Variants in ASPH observed in about 807,000 individuals in gnomAD.
The protein encoded by ASPH is aspartate beta-hydroxylase.
In ASPH, 100 loss-of-function variants were observed where a neutral mutation model predicts 118.4. The observed-to-expected ratio is 0.84, with a 90% CI of 0.72 to 1.00. ASPH has a LOEUF of 1.00. Ranked by LOEUF, ASPH falls within the 50% of genes least tolerant of loss-of-function variation. The pLI is 0.00. For synonymous variants in ASPH, 315 were observed against 325.6 expected (o/e 0.97, Z 0.35); for missense variants, 920 against 919.5 (o/e 1.00, Z -0.01).
At chr8:61,640,043 C>T (rs1804377357) in intron 10 of ASPH, among the ~76,000 whole-genome samples, 1 of 152,224 alleles carries the variant, frequency 6.6e-6, no homozygotes, top group South Asian at 2.1e-4. Context: ...TCATATCTGT[C>T]CTATCCGTCC....
At chr8:61,526,578 T>G (rs552235623) in intron 21 of ASPH, among the ~76,000 whole-genome samples, 1 of 152,306 alleles carries the variant, frequency 6.6e-6, no homozygotes, top group African/African-American at 2.4e-5. Context: ...AGTTAAACAT[T>G]CAACATATCA....
At chr8:61,706,473 G>GAAGAAGAAAGAAGA (rs1191333253) in intron 1 of ASPH, among the ~76,000 whole-genome samples, 1 of 142,002 alleles carries the variant, frequency 7.0e-6, no homozygotes, top group Non-Finnish European at 1.5e-5. Flanking sequence ...AGAGGAAGAA[G>GAAGAAGAAAGAAGA]AAGAAGAAAG....
At chr8:61,543,930 T>C (rs966919678) in intron 21 of ASPH, among the ~76,000 whole-genome samples, 2 of 152,210 alleles carry the variant, frequency 1.3e-5, no homozygotes, top group Admixed American at 1.3e-4. Flanking sequence ...TTGTTTTGAC[T>C]AATAGCCTGG....
chr8:61,660,485 C>T (rs1185550133), intron 3 of ASPH: 2 of 152,196 alleles, frequency 1.3e-5, no homozygotes, highest in East Asian at 3.8e-4. Flanking sequence ...TTTCTTATCT[C>T]CCACCCCATA....
intron 13 of ASPH, chr8:61,623,808 C>T (rs1466432018): frequency 2.6e-5 from 4 of 152,080 alleles, no homozygotes; most frequent in African/African-American, 9.7e-5. Flanking sequence ...AAATGTGGTA[C>T]ATATATAATG....
At chr8:61,682,266 A>G (rs1828457719) in intron 2 of ASPH, among the ~76,000 whole-genome samples, 1 of 152,110 alleles carries the variant, frequency 6.6e-6, no homozygotes, top group South Asian at 2.1e-4. Context: ...TGCAGAGTAC[A>G]GAATTCAAGA....
intron 22 of ASPH, among the ~76,000 whole-genome samples, chr8:61,524,937 T>C (rs1279312188): frequency 6.6e-6 from 1 of 152,144 alleles, no homozygotes; most frequent in African/African-American, 2.4e-5. Context: ...ATGTCAGAGG[T>C]AAATTAGCAT....
At chr8:61,621,992 A>T (rs1851108439) in intron 13 of ASPH, among the ~76,000 whole-genome samples, 1 of 152,212 alleles carries the variant, frequency 6.6e-6, no homozygotes, top group South Asian at 2.1e-4. Flanking sequence ...TGGGATATTG[A>T]TCTTTAAATA....
intron 22 of ASPH, among the ~76,000 whole-genome samples, chr8:61,519,888 T>C (rs1812331351): frequency 1.3e-5 from 2 of 152,198 alleles, no homozygotes; most frequent in African/African-American, 2.4e-5. Flanking sequence ...AACTATAAGA[T>C]AATAAATGTG....
intron 14 of ASPH, among the ~76,000 whole-genome samples, chr8:61,604,957 G>A (rs1433785281): frequency 2.0e-5 from 3 of 152,142 alleles, no homozygotes; most frequent in African/African-American, 7.2e-5. Flanking sequence ...TAAGCATTTA[G>A]CTTTTTTTGT....
At chr8:61,656,152 T>C (rs1038366748) in intron 3 of ASPH, 4 of 152,150 alleles carry the variant, frequency 2.6e-5, no homozygotes, top group Non-Finnish European at 4.4e-5. Flanking sequence ...ATGGATTTAT[T>C]ATGAGGTACA....
At chr8:61,599,800 C>T (rs1024088258) in intron 14 of ASPH, among the ~76,000 whole-genome samples, 1 of 151,936 alleles carries the variant, frequency 6.6e-6, no homozygotes, top group Non-Finnish European at 1.5e-5. Context: ...AAGCCTAGGA[C>T]CACATAGCAT....
rs1261925810 is a variant in ASPH, at chr8:61,548,491, C to T, written c.1627-283G>A. On this transcript the variant is annotated intron_variant, in intron 20 of 24. Coordinates refer to ENST00000379454, the MANE Select transcript of ASPH (RefSeq NM_004318.4). Reference sequence around the variant, plus strand: ...ATGCCCTACACATTTTGGTCTCCCTCGAGTGTCCAGCAGGGAGTCGAGCAC... The same window carrying T: ...ATGCCCTACACATTTTGGTCTCCCTTGAGTGTCCAGCAGGGAGTCGAGCAC... 2.6e-5 allele frequency among the ~76,000 whole-genome samples: 4 copies of T among 152,206 alleles called. No homozygotes were observed. The East Asian group carries it at 5.8e-4, about 22-fold the overall frequency.
chr8:61,506,262 C>A (rs1394519454), intron 24 of ASPH, among the ~76,000 whole-genome samples: 5 of 152,090 alleles, frequency 3.3e-5, no homozygotes, highest in Non-Finnish European at 1.5e-5. Flanking sequence ...CATCTGAGGT[C>A]CTAGACTAGT....
chr8:61,702,019 C>T (rs1325891827), intron 1 of ASPH, among the ~76,000 whole-genome samples: 7 of 152,146 alleles, frequency 4.6e-5, no homozygotes, highest in Admixed American at 4.6e-4. Flanking sequence ...ACAAGAAGCA[C>T]TAAAACCATA....
At chr8:61,505,809 A>G (rs1270311644) in intron 24 of ASPH, among the ~76,000 whole-genome samples, 1 of 152,218 alleles carries the variant, frequency 6.6e-6, no homozygotes, top group African/African-American at 2.4e-5. Flanking sequence ...ACCATGCAAA[A>G]TCTAACTTGA....
At position 61,637,952 on chromosome 8, in the gene ASPH, A is replaced by G; in HGVS notation, c.884T>C (p.Val295Ala). The G allele has an allele frequency of 6.2e-7, 1 of 1,608,458 alleles. No individual in the cohort carries two copies. Among genetic ancestry groups the G allele is most frequent in the South Asian group, 1.1e-5 (1 of 89,756 alleles). The change falls in exon 12 of 25, where the codon GTA becomes GCA. Residue 295 changes from valine to alanine, a missense_variant. By Grantham distance (64) the Val-to-Ala change is moderately conservative. Transcript: ENST00000379454. ...DNPVEDSQVI[V>A]EEVSIFPVEE... ...CTTCCATAAATTTATCTTACCTTCT[A>G]CAATTACCTGTGAATCTTCTACAGG...
chr8:61,519,051 C>T (rs1430858660), intron 22 of ASPH, among the ~76,000 whole-genome samples: 1 of 152,162 alleles, frequency 6.6e-6, no homozygotes, highest in Non-Finnish European at 1.5e-5. Flanking sequence ...CGAATAGCAA[C>T]AGGAAGCAGC....
intron 1 of ASPH, among the ~76,000 whole-genome samples, chr8:61,699,325 C>G (rs1373560551): frequency 6.6e-6 from 1 of 152,210 alleles, no homozygotes; most frequent in Non-Finnish European, 1.5e-5. Context: ...AACCACACTT[C>G]TGTAGAATAG....
Sources: gnomAD v4.1 joint callset for allele counts (sites outside exome capture counted in the v4.1 genomes callset) on GRCh38, gnomAD v4.1.1 for gene constraint, MANE v1.5 for transcripts, NCBI Gene and HGNC (gene_info 2026-07-23, HGNC 2026-07-21) for gene names.